SNTG2: variants seen among roughly 807,000 people sequenced by gnomAD.
SNTG2 encodes the protein gamma-2-syntrophin.
Under a neutral mutation model 70.9 loss-of-function variants are expected in SNTG2, and 74 were observed. That is an observed-to-expected ratio of 1.04 (90% CI 0.86 to 1.27). The LOEUF (loss-of-function observed/expected upper bound fraction) is 1.27, where lower values mean the gene tolerates loss of function less well. Among genes scored for constraint, SNTG2 ranks in the 50% most tolerant of loss-of-function variants. The probability of loss-of-function intolerance (pLI) is 0.00; values close to 1 mark genes in which losing one functional copy is unlikely to be tolerated. For synonymous variants in SNTG2, 278 were observed against 273.8 expected, an observed-to-expected ratio of 1.02 and a Z score of -0.15; for missense variants, 717 against 690.7, an observed-to-expected ratio of 1.04 and a Z score of -0.43.
At position 1,304,782 on chromosome 2, in the gene SNTG2, C is replaced by G. The variant is rs187892775; in HGVS notation, c.1285-3712C>G. Among the ~76,000 whole-genome samples the G allele has an allele frequency of 1.6e-3, 244 of 148,350 alleles. 2 individuals are homozygous for G. Among genetic ancestry groups the G allele is most frequent in the Middle Eastern group, 0.014 (4 of 280 alleles). On this transcript the variant is annotated intron_variant, in intron 14 of 16. Transcript: ENST00000308624. ...CTGGTATTCTTAGGTTTTTTTCTTT[C>G]TTTTTTTAACTCTTCAGGTAATTCT... is the stretch of plus-strand genomic sequence containing the variant.
chr2:1,088,674 G>T (rs1277807951), intron 2 of SNTG2, among the ~76,000 whole-genome samples: 2 of 152,212 alleles, frequency 1.3e-5, no homozygotes, highest in Admixed American at 6.5e-5. Flanking sequence ...TCATTAGAGT[G>T]TGTCCATAGT....
intron 4 of SNTG2, among the ~76,000 whole-genome samples, chr2:1,116,993 G>GCA (rs1667051699): frequency 6.8e-6 from 1 of 148,042 alleles, no homozygotes; most frequent in African/African-American, 2.5e-5. Context: ...GGGTGCTCTG[G>GCA]TGTACGAGTG....
At chr2:1,119,000 C>CA (rs1363361680) in intron 4 of SNTG2, among the ~76,000 whole-genome samples, 1 of 151,462 alleles carries the variant, frequency 6.6e-6, no homozygotes, top group Non-Finnish European at 1.5e-5. Context: ...AAGTCAAAGG[C>CA]AAAAAAAGGA....
intron 8 of SNTG2, among the ~76,000 whole-genome samples, chr2:1,179,090 T>C (rs1351184619): frequency 1.3e-5 from 2 of 152,228 alleles, no homozygotes; most frequent in Admixed American, 1.3e-4. Context: ...TTTATTTGCA[T>C]AGAGGTGTTT....
intron 16 of SNTG2, among the ~76,000 whole-genome samples, chr2:1,338,303 T>C (rs770061136): frequency 6.6e-6 from 1 of 152,238 alleles, no homozygotes; most frequent in Non-Finnish European, 1.5e-5. Flanking sequence ...TTAATAACAT[T>C]ATGCCTTCCA....
At chr2:1,124,210 A>T (rs1667554730) in intron 4 of SNTG2, among the ~76,000 whole-genome samples, 3 of 152,186 alleles carry the variant, frequency 2.0e-5, no homozygotes, top group Admixed American at 6.5e-5. Context: ...TTCATAAATC[A>T]TAACATTATT....
At position 1,321,457 on chromosome 2, in the gene SNTG2, T is replaced by C. The variant is rs1028079808; in HGVS notation, c.1488+5082T>C. The stretch of plus-strand genomic sequence containing the variant: ...TGGAGGAAGATTGGGCGTGGGCACC[T>C]GAGTGTTTAGGACCACGGAGGGGGT... On this transcript the variant is annotated intron_variant, in intron 16 of 16. Transcript: ENST00000308624. Among the ~76,000 whole-genome samples the C allele has an allele frequency of 2.6e-5, 4 of 152,176 alleles. 1 individual carries two copies. The highest frequency in any genetic ancestry group is 5.9e-5 in the Non-Finnish European group (4 of 68,030).
At chr2:1,144,884 TAAACC>T (rs1668998714) in intron 6 of SNTG2, among the ~76,000 whole-genome samples, 1 of 152,200 alleles carries the variant, frequency 6.6e-6, no homozygotes, top group Non-Finnish European at 1.5e-5. Context: ...TGTCTGCTCT[TAAACC>T]AAAATGGAGT....
intron 8 of SNTG2, among the ~76,000 whole-genome samples, chr2:1,193,944 G>A (rs1672748957): frequency 6.6e-6 from 1 of 152,254 alleles, no homozygotes; most frequent in Non-Finnish European, 1.5e-5. Flanking sequence ...GCAGGCCACA[G>A]TGTGGGCACA....
At chr2:1,197,583 C>A (rs1673007135) in intron 8 of SNTG2, among the ~76,000 whole-genome samples, 1 of 150,746 alleles carries the variant, frequency 6.6e-6, no homozygotes, top group Non-Finnish European at 1.5e-5. Flanking sequence ...GTCACTCAGT[C>A]TGGGGTGCAG....
chr2:1,317,756 A>T (rs1294760419), intron 16 of SNTG2, among the ~76,000 whole-genome samples: 1 of 150,030 alleles, frequency 6.7e-6, no homozygotes, highest in African/African-American at 2.5e-5. Flanking sequence ...ATTGAGCATC[A>T]GGCCAGCATT....
chr2:1,113,157 G>T (rs149240489), intron 4 of SNTG2, among the ~76,000 whole-genome samples: 8,731 of 101,022 alleles, frequency 0.086, 1,876 homozygotes, highest in Middle Eastern at 0.12. Context: ...GGAGGATCGT[G>T]GGTACTAAGT....
intron 14 of SNTG2, among the ~76,000 whole-genome samples, chr2:1,281,388 GGTGTGTGTTTATGTGGTGTGTTGTGT>G (rs1679525844): frequency 2.1e-5 from 1 of 47,218 alleles, no homozygotes; most frequent in Non-Finnish European, 4.5e-5. Flanking sequence ...TGTGGTGTGT[GGTGTGTGTTTATGTGGTGTGTTGTGT>G]GTGTGTGTGT....
chr2:1,072,671 G>A (rs995759274), intron 1 of SNTG2, among the ~76,000 whole-genome samples: 1 of 152,200 alleles, frequency 6.6e-6, no homozygotes, highest in Non-Finnish European at 1.5e-5. Context: ...TCAAGGTGTA[G>A]TGTTGACTTC....
intron 16 of SNTG2, among the ~76,000 whole-genome samples, chr2:1,329,571 C>T (rs1659404424): frequency 6.6e-6 from 1 of 152,094 alleles, no homozygotes; most frequent in Non-Finnish European, 1.5e-5. Flanking sequence ...CGCACAATGG[C>T]CAGGTTAAAA....
intron 1 of SNTG2, among the ~76,000 whole-genome samples, chr2:1,032,348 A>G (rs7593875): frequency 0.71 from 107,429 of 152,052 alleles, 38,863 homozygotes; most frequent in Admixed American, 0.78. Context: ...AAATGTTCCT[A>G]AAGTCTAAAA....
intron 14 of SNTG2, among the ~76,000 whole-genome samples, chr2:1,279,595 GT>G (rs928935476): frequency 1.3e-5 from 2 of 152,150 alleles, no homozygotes; most frequent in African/African-American, 4.8e-5. Context: ...GGTTTGTGCT[GT>G]TTTTTTGTAA....
chr2:1,031,553 C>A (rs1438885908), intron 1 of SNTG2, among the ~76,000 whole-genome samples: 1 of 52,328 alleles, frequency 1.9e-5, no homozygotes, highest in Admixed American at 2.5e-4. Flanking sequence ...TTTTTTGAGG[C>A]GAAATCTCAC....
intron 1 of SNTG2, among the ~76,000 whole-genome samples, chr2:1,022,670 G>C (rs2148014590): frequency 6.6e-6 from 1 of 152,108 alleles, no homozygotes; most frequent in Middle Eastern, 3.4e-3. Flanking sequence ...GTGCATACTT[G>C]CCTAGTACAT....
Sources: allele counts gnomAD v4.1 joint callset (sites outside exome capture counted in the v4.1 genomes callset), GRCh38; gene constraint gnomAD v4.1.1; transcripts MANE v1.5; gene names NCBI Gene and HGNC (gene_info 2026-07-23, HGNC 2026-07-21).